Variants in ZC3H12C observed in about 807,000 individuals in gnomAD.
ZC3H12C encodes probable ribonuclease ZC3H12C.
A neutral mutation model predicts 76.3 loss-of-function variants in ZC3H12C; 20 were observed. The observed-to-expected ratio is 0.26, with a 90% CI of 0.18 to 0.38. ZC3H12C has a LOEUF of 0.38. ZC3H12C is among the 10% of genes least tolerant of loss of function. The pLI is 1.00. For synonymous variants in ZC3H12C, 352 were observed against 399.6 expected, an observed-to-expected ratio of 0.88 and a Z score of 1.42; for missense variants, 874 against 1,086.5, an observed-to-expected ratio of 0.80 and a Z score of 2.75.
intron 1 of ZC3H12C, chr11:110,131,345 C>T (rs1861862726): frequency 3.9e-6 from 2 of 514,116 alleles, no homozygotes; most frequent in Non-Finnish European, 6.8e-6. Context: ...ATTTATAAGG[C>T]ATTAGGCATG....
Position 110,167,490 on chromosome 11 carries a change from T to G in ZC3H12C, c.*1753T>G, listed in dbSNP as rs1862605278. On this transcript the variant is annotated 3_prime_UTR_variant, in exon 6 of 6. Transcript: ENST00000278590. ...TTTTATATAATATATTAAAACACAGTAAATAAATTTATTGGCATTTTCTTT... is the reference window on the plus strand; with the variant it reads ...TTTTATATAATATATTAAAACACAGGAAATAAATTTATTGGCATTTTCTTT... 1 of 152,184 alleles carries G rather than the reference T, an allele frequency of 6.6e-6. No individual in the cohort carries two copies. The highest frequency in any genetic ancestry group is 2.4e-5 in the African/African-American group (1 of 41,452). 9.4% of individuals were successfully genotyped at this position (152,184 alleles called of 1,614,324 possible). A position where few individuals can be genotyped will look rare whatever the true frequency, so the allele number is the denominator to read the frequency against.
At chr11:110,137,823 T>C (rs1177347372) in intron 2 of ZC3H12C, among the ~76,000 whole-genome samples, 1 of 152,230 alleles carries the variant, frequency 6.6e-6, no homozygotes, top group African/African-American at 2.4e-5. Context: ...GAAAATAAAC[T>C]ATGTATTTTA....
At chr11:110,121,600 CTT>C (rs5794665) in intron 1 of ZC3H12C, among the ~76,000 whole-genome samples, 20 of 151,258 alleles carry the variant, frequency 1.3e-4, no homozygotes, top group East Asian at 3.9e-4. Context: ...ACAGCAGTTC[CTT>C]TTTTTTTTCT....
intron 1 of ZC3H12C, among the ~76,000 whole-genome samples, chr11:110,132,530 G>A (rs1169725484): frequency 1.3e-5 from 2 of 152,094 alleles, no homozygotes; most frequent in African/African-American, 4.8e-5. Context: ...TTCCAATACA[G>A]TATCTGGAAG....
At chr11:110,103,440 A>T (rs1364493966) in intron 1 of ZC3H12C, among the ~76,000 whole-genome samples, 2 of 152,310 alleles carry the variant, frequency 1.3e-5, no homozygotes, top group African/African-American at 2.4e-5. Context: ...AATAGTAGCT[A>T]ACATTTATTG....
At chr11:110,152,318 C>G (rs995722473) in intron 2 of ZC3H12C, among the ~76,000 whole-genome samples, 3 of 152,186 alleles carry the variant, frequency 2.0e-5, no homozygotes, top group African/African-American at 7.2e-5. Context: ...AACTAGGTGT[C>G]TTTTCACTGC....
In ZC3H12C at chr11:110,135,293, C is replaced by G. The variant is rs377735611; in HGVS notation, c.22-1370C>G. On this transcript the variant is annotated intron_variant, in intron 1 of 5. Coordinates refer to ENST00000278590, the MANE Select transcript of ZC3H12C (RefSeq NM_033390.2). Reference sequence around the variant, plus strand: ...TCACTTGAGGTCAGGAGTTTGAGACCAGCATGGCCAACGTGGCGAAACTTT... The same window carrying G: ...TCACTTGAGGTCAGGAGTTTGAGACGAGCATGGCCAACGTGGCGAAACTTT... Among the ~76,000 whole-genome samples the G allele has an allele frequency of 1.2e-4, 19 of 152,012 alleles. 1 individual carries two copies. The highest frequency in any genetic ancestry group is 4.6e-4 in the African/African-American group (19 of 41,478).
chr11:110,124,513 A>G (rs1389440935), intron 1 of ZC3H12C, among the ~76,000 whole-genome samples: 2 of 152,240 alleles, frequency 1.3e-5, no homozygotes, highest in Non-Finnish European at 2.9e-5. Flanking sequence ...TGTACTGTAC[A>G]CACTATTCAT....
rs1252428148 is a variant in ZC3H12C at position 110,163,168 on chromosome 11, T to C, written c.1149-105T>C. 5.2e-5 allele frequency: 49 copies of C among 942,234 alleles called. No homozygotes were observed. In the East Asian group the frequency reaches 1.3e-3, roughly 24 times the overall value. The allele number at this position is 942,234 out of a possible 1,614,324, so 58.4% of individuals were successfully genotyped here. A position where few individuals can be genotyped will look rare whatever the true frequency, so the allele number is the denominator to read the frequency against. ...TGGAATCAAAACACTTGGATTAAAA[T>C]TGCAAAAAAAATTCCTTATAGAGGG... On this transcript the variant is annotated intron_variant, in intron 4 of 5. Coordinates refer to ENST00000278590, the MANE Select transcript of ZC3H12C (RefSeq NM_033390.2).
intron 1 of ZC3H12C, among the ~76,000 whole-genome samples, chr11:110,129,151 C>T (rs1861814216): frequency 6.6e-6 from 1 of 152,016 alleles, no homozygotes. Flanking sequence ...CATTCAGAAC[C>T]TAGTAATTAT....
At chr11:110,093,558 CCTCGCCGTG>C in intron 1 of ZC3H12C, 126 bp downstream of exon 1, 1 of 657,008 alleles carries the variant, frequency 1.5e-6, no homozygotes, top group Non-Finnish European at 2.0e-6. Flanking sequence ...GCCGCAGCGA[CCTCGCCGTG>C]TGATCTCCAG....
chr11:110,138,965 T>A (rs981524307), intron 2 of ZC3H12C, among the ~76,000 whole-genome samples: 4 of 152,222 alleles, frequency 2.6e-5, no homozygotes, highest in Admixed American at 1.3e-4. Flanking sequence ...GATGTGGCTA[T>A]TGACTACTAT....
intron 4 of ZC3H12C, among the ~76,000 whole-genome samples, chr11:110,159,694 C>T (rs1862443582): frequency 1.3e-5 from 2 of 152,272 alleles, no homozygotes; most frequent in Admixed American, 1.3e-4. Context: ...GCAGGCCCCA[C>T]CTTTCCCTGT....
At chr11:110,127,859 G>A (rs995514377) in intron 1 of ZC3H12C, among the ~76,000 whole-genome samples, 9 of 149,500 alleles carry the variant, frequency 6.0e-5, no homozygotes, top group African/African-American at 2.0e-4. Flanking sequence ...TTGTGCCACT[G>A]TACTCCAGCC....
At chr11:110,144,959 C>A (rs898604721) in intron 2 of ZC3H12C, among the ~76,000 whole-genome samples, 1 of 151,982 alleles carries the variant, frequency 6.6e-6, no homozygotes, top group South Asian at 2.1e-4. Flanking sequence ...TGTATATATA[C>A]CTAAAGAAAA....
rs567962270 is a variant in ZC3H12C, at chr11:110,146,179, A to G, written c.774-6740A>G. ...TTGTTTTTGTATTTTTAGTAGAGACAGGGCTTCACCGTGTTAGCCAGGGTG... is the reference window on the plus strand; with the variant it reads ...TTGTTTTTGTATTTTTAGTAGAGACGGGGCTTCACCGTGTTAGCCAGGGTG... On this transcript the variant is annotated intron_variant, in intron 2 of 5. Transcript: ENST00000278590. 5.9e-5 allele frequency among the ~76,000 whole-genome samples: 9 copies of G among 152,184 alleles called. No individual in the cohort carries two copies. The South Asian group carries it at 1.2e-3, about 21-fold the overall frequency.
At chr11:110,153,543 C>A (rs928726505) in intron 3 of ZC3H12C, among the ~76,000 whole-genome samples, 5 of 92,902 alleles carry the variant, frequency 5.4e-5, no homozygotes, top group African/African-American at 1.6e-4. Flanking sequence ...ATCATCACTA[C>A]ATAAGCCAGC....
chr11:110,097,081 A>C (rs78875082), intron 1 of ZC3H12C, among the ~76,000 whole-genome samples: 1,650 of 152,364 alleles, frequency 0.011, 33 homozygotes, highest in East Asian at 0.086. Flanking sequence ...AGAATTTTTA[A>C]AACACCTGTA....
Position 110,137,078 on chromosome 11 carries a change from A to C in ZC3H12C, c.437A>C (p.Gln146Pro). The C allele has an allele frequency of 6.2e-7, 1 of 1,613,930 alleles. No individual in the cohort carries two copies. Among genetic ancestry groups the C allele is most frequent in the Non-Finnish European group, 8.5e-7 (1 of 1,179,882 alleles). ...CAAGACTTTAAACCTGAAGAGTCCCAGACTACATCCAAGGAAGCAAAGAAA... is the reference window on the plus strand; with the variant it reads ...CAAGACTTTAAACCTGAAGAGTCCCCGACTACATCCAAGGAAGCAAAGAAA... ...ILQDFKPEES[Q>P]TTSKEAKKPP... Residue 146 changes from glutamine to proline, a missense_variant, in exon 2 of 6, where the codon CAG becomes CCG. Physicochemically the swap from Gln to Pro is moderately conservative, Grantham distance 76. Around this residue, in one of 3 missense-constraint regions of ZC3H12C, gnomAD observed 210 missense variants for 227.1 expected, o/e 0.92. Coordinates refer to ENST00000278590, the MANE Select transcript of ZC3H12C (RefSeq NM_033390.2).
Sources: gnomAD v4.1 joint callset for allele counts (sites outside exome capture counted in the v4.1 genomes callset) on GRCh38, gnomAD v4.1.1 for gene constraint, gnomAD v4.1.1 regional missense constraint, MANE v1.5 for transcripts, NCBI Gene and HGNC (gene_info 2026-07-23, HGNC 2026-07-21) for gene names.